Variants in PRMT3 observed in about 807,000 individuals in gnomAD.
The protein encoded by PRMT3 is protein arginine methyltransferase 3.
Under a neutral mutation model 71.9 loss-of-function variants are expected in PRMT3, and 62 were observed. The ratio of observed to expected loss-of-function variants is 0.86; its 90% confidence interval spans 0.70 to 1.07. The LOEUF is 1.07. Ranked by LOEUF, PRMT3 falls within the 50% of genes least tolerant of loss-of-function variation. The probability of loss-of-function intolerance (pLI) is 0.00; values close to 1 mark genes in which losing one functional copy is unlikely to be tolerated. For missense variants in PRMT3, 663 were observed against 643.0 expected, an observed-to-expected ratio of 1.03 and a Z score of -0.34; for synonymous variants, 213 against 220.4, an observed-to-expected ratio of 0.97 and a Z score of 0.30.
intron 15 of PRMT3, among the ~76,000 whole-genome samples, chr11:20,499,345 G>C (rs773187689): frequency 2.0e-5 from 3 of 152,232 alleles, no homozygotes; most frequent in Non-Finnish European, 4.4e-5. Flanking sequence ...ATAGGGGCCA[G>C]GCGTGGTGGT....
At chr11:20,424,183 C>CAAAAAA (rs59351768) in intron 9 of PRMT3, among the ~76,000 whole-genome samples, 1 of 110,904 alleles carries the variant, frequency 9.0e-6, no homozygotes, top group African/African-American at 3.4e-5. Context: ...GACGCCATCT[C>CAAAAAA]AAAAAAAAAA....
intron 5 of PRMT3, among the ~76,000 whole-genome samples, chr11:20,395,417 C>T (rs575073349): frequency 1.4e-4 from 21 of 152,194 alleles, no homozygotes; most frequent in African/African-American, 5.1e-4. Flanking sequence ...GATCACAGCT[C>T]ACTGCAACCT....
intron 10 of PRMT3, among the ~76,000 whole-genome samples, chr11:20,445,238 G>C (rs1849998757): frequency 6.6e-6 from 1 of 151,750 alleles, no homozygotes; most frequent in South Asian, 2.1e-4. Flanking sequence ...TGTCTTTTTA[G>C]CTTGTGATTA....
chr11:20,500,840 A>T (rs1470373670), intron 15 of PRMT3, among the ~76,000 whole-genome samples: 3 of 152,224 alleles, frequency 2.0e-5, no homozygotes, highest in Non-Finnish European at 2.9e-5. Flanking sequence ...CAACATTCGA[A>T]CACATTTTAT....
At chr11:20,486,293 T>G (rs1565234589) in intron 13 of PRMT3, among the ~76,000 whole-genome samples, 3 of 152,188 alleles carry the variant, frequency 2.0e-5, no homozygotes, top group Non-Finnish European at 4.4e-5. Flanking sequence ...ACAATTTAAA[T>G]GGGTAAATTT....
At position 20,457,935 on chromosome 11, in the gene PRMT3, A is replaced by G. The variant is rs1442852447; in HGVS notation, c.1073-4045A>G. Among the ~76,000 whole-genome samples, 10 of 152,206 alleles carry G rather than the reference A, an allele frequency of 6.6e-5. No homozygotes were observed. The East Asian group carries it at 1.9e-3, about 29-fold the overall frequency. The stretch of plus-strand genomic sequence containing the variant: ...ATTTTTCAAAGCATATTACAGCTAT[A>G]TGTTAGCCTTAGCTAAACGTTAGTG... On this transcript the variant is annotated intron_variant, in intron 11 of 15. Transcript: ENST00000331079.
chr11:20,456,276 T>G (rs925278465), intron 11 of PRMT3, among the ~76,000 whole-genome samples: 1 of 152,162 alleles, frequency 6.6e-6, no homozygotes, highest in Non-Finnish European at 1.5e-5. Context: ...GTGCTCAGTC[T>G]CTGTCGTACT....
Position 20,387,798 on chromosome 11 carries a change from C to T in PRMT3, c.28+24C>T. The T allele has an allele frequency of 6.5e-7, 1 of 1,541,464 alleles. No homozygotes were observed. Among genetic ancestry groups the T allele is most frequent in the Non-Finnish European group, 8.7e-7 (1 of 1,146,258 alleles). On this transcript the variant is annotated intron_variant, in intron 1 of 15. Coordinates refer to ENST00000331079, the MANE Select transcript of PRMT3 (RefSeq NM_005788.4). The surrounding 1 kb of genome is among the most constrained non-coding windows in gnomAD (Gnocchi z 4.3). Reference sequence around the variant, plus strand: ...CGGTGGGTACCCTGGCCCCTCAGCACCCGGCTCGTCCAGCCCCAGGCCGCG... The same window carrying T: ...CGGTGGGTACCCTGGCCCCTCAGCATCCGGCTCGTCCAGCCCCAGGCCGCG...
intron 10 of PRMT3, among the ~76,000 whole-genome samples, chr11:20,445,026 A>G (rs1243868890): frequency 6.6e-6 from 1 of 151,912 alleles, no homozygotes; most frequent in Non-Finnish European, 1.5e-5. Context: ...TAATTTTCTT[A>G]TGGTTAATGT....
At chr11:20,416,834 T>C (rs1849316154) in intron 9 of PRMT3, among the ~76,000 whole-genome samples, 1 of 152,156 alleles carries the variant, frequency 6.6e-6, no homozygotes, top group Admixed American at 6.6e-5. Context: ...TCGTTTCTCA[T>C]GGGATGTGTG....
At chr11:20,452,022 GAA>G in intron 10 of PRMT3, 106 bp from the exon 11 acceptor site, 2 of 726,700 alleles carry the variant, frequency 2.8e-6, no homozygotes, top group Non-Finnish European at 4.1e-6. Context: ...ATCTGTGGCA[GAA>G]AAAAAAATAT....
rs1225709652 is a variant in PRMT3 at position 20,468,178 on chromosome 11, TTAGA to T, written c.1347+3637_1347+3640del. On this transcript the variant is annotated intron_variant, in intron 13 of 15. Coordinates refer to ENST00000331079, the MANE Select transcript of PRMT3 (RefSeq NM_005788.4). ...AATAAGAGGAAGAGATTGGGCTTTTTTAGATAGAGGGAAGAAGAAAGTATCTGAA... is the reference window on the plus strand; with the variant it reads ...AATAAGAGGAAGAGATTGGGCTTTTTTAGAGGGAAGAAGAAAGTATCTGAA... Among the ~76,000 whole-genome samples, 10 of 152,292 alleles carry T rather than the reference TTAGA, an allele frequency of 6.6e-5. No homozygotes were observed. The East Asian group carries it at 1.9e-3, about 29-fold the overall frequency.
chr11:20,414,456 T>C (rs1849258075), intron 9 of PRMT3, among the ~76,000 whole-genome samples: 1 of 152,196 alleles, frequency 6.6e-6, no homozygotes, highest in African/African-American at 2.4e-5. Flanking sequence ...TTTCTTATTT[T>C]TGCTATCATA....
intron 10 of PRMT3, among the ~76,000 whole-genome samples, chr11:20,445,462 T>C (rs1217283658): frequency 6.6e-6 from 1 of 152,126 alleles, no homozygotes; most frequent in Admixed American, 6.5e-5. Context: ...GATATGAATG[T>C]GTTCTTTTTG....
Position 20,494,112 on chromosome 11 carries a change from CATG to C in PRMT3, c.1399-52_1399-50del, listed in dbSNP as rs1004170211. On this transcript the variant is annotated intron_variant, in intron 14 of 15. Coordinates refer to ENST00000331079, the MANE Select transcript of PRMT3 (RefSeq NM_005788.4). ...TGTTTGATGTCGTAGATTAATGTAC[CATG>C]ATATTAAAAATCTTGTACTTCATCA... is the stretch of plus-strand genomic sequence containing the variant. 8.0e-6 allele frequency: 12 copies of C among 1,506,702 alleles called. No homozygotes were observed. The African/African-American group carries it at 1.5e-4, about 19-fold the overall frequency. 93.3% of individuals were successfully genotyped at this position (1,506,702 alleles called of 1,614,324 possible).
chr11:20,443,077 T>C (rs1849945846), intron 10 of PRMT3, among the ~76,000 whole-genome samples: 1 of 152,204 alleles, frequency 6.6e-6, no homozygotes, highest in Non-Finnish European at 1.5e-5. Context: ...TTGACTTTCT[T>C]ACCAACAATG....
At chr11:20,457,663 T>C (rs953629423) in intron 11 of PRMT3, among the ~76,000 whole-genome samples, 1 of 152,234 alleles carries the variant, frequency 6.6e-6, no homozygotes, top group Non-Finnish European at 1.5e-5. Context: ...ATAAAAGTTA[T>C]GAAATGAATT....
chr11:20,415,412 C>T (rs904960111), intron 9 of PRMT3, among the ~76,000 whole-genome samples: 2 of 152,098 alleles, frequency 1.3e-5, no homozygotes, highest in Non-Finnish European at 2.9e-5. Context: ...AGAACTCACA[C>T]AATTCAGTAT....
intron 8 of PRMT3, among the ~76,000 whole-genome samples, chr11:20,404,232 T>A (rs1334978493): frequency 3.6e-5 from 4 of 112,132 alleles, no homozygotes; most frequent in African/African-American, 1.4e-4. Flanking sequence ...TTTTTTTTTT[T>A]TTTTTTTTTT....
Sources: gnomAD v4.1 joint callset for allele counts (sites outside exome capture counted in the v4.1 genomes callset) on GRCh38, gnomAD v4.1.1 for gene constraint, Gnocchi (gnomAD v3.1) non-coding constraint, MANE v1.5 for transcripts, NCBI Gene and HGNC (gene_info 2026-07-23, HGNC 2026-07-21) for gene names.